NFIB: variants seen among roughly 807,000 people sequenced by gnomAD.
The protein encoded by NFIB is nuclear factor 1 B-type.
In NFIB, 11 loss-of-function variants were observed where a neutral mutation model predicts 61.5. That is an observed-to-expected ratio of 0.18 (90% CI 0.11 to 0.30). The LOEUF (loss-of-function observed/expected upper bound fraction) is 0.30. Among genes scored for constraint, NFIB ranks in the 10% least tolerant of loss-of-function variants. The pLI is 1.00. For missense variants in NFIB, 471 were observed against 608.9 expected (o/e 0.77, Z 2.38); for synonymous variants, 260 against 216.5 (o/e 1.20, Z -1.76).
chr9:14,408,298 T>A, the NFIB span, among the ~76,000 whole-genome samples: 1 of 152,210 alleles, frequency 6.6e-6, no homozygotes, highest in Admixed American at 6.5e-5. Context: ...AATCTGTATA[T>A]CTTTATTTTC....
At chr9:14,394,738 G>C (rs938098097) in intron 1 of NFIB, among the ~76,000 whole-genome samples, 8 of 152,094 alleles carry the variant, frequency 5.3e-5, no homozygotes, top group Admixed American at 5.2e-4. Context: ...TAGAGGACTT[G>C]GAAGACTGGG....
upstream of NFIB, among the ~76,000 whole-genome samples, chr9:14,400,639 T>A (rs2061733804): frequency 6.6e-6 from 1 of 152,126 alleles, no homozygotes; most frequent in Admixed American, 6.5e-5. Flanking sequence ...AACTATTGAA[T>A]AATGCAAATA....
chr9:14,099,978 G>A (rs1164798005), intron 10 of NFIB, among the ~76,000 whole-genome samples: 4 of 152,036 alleles, frequency 2.6e-5, no homozygotes, highest in African/African-American at 7.2e-5. Context: ...TAGCTGAGGC[G>A]TTAAGAATCA....
chr9:14,305,146 T>A (rs1363921504), intron 2 of NFIB, among the ~76,000 whole-genome samples: 1 of 152,210 alleles, frequency 6.6e-6, no homozygotes, highest in African/African-American at 2.4e-5. Flanking sequence ...TTTTTTTTCT[T>A]TTTTCAATCT....
the NFIB span, among the ~76,000 whole-genome samples, chr9:14,437,337 C>T: frequency 8.5e-5 from 13 of 152,316 alleles, no homozygotes; most frequent in South Asian, 1.5e-3. Context: ...GTCCCTTTGT[C>T]GGTTTCCAAA....
At chr9:14,139,841 A>G (rs1422767761) in intron 6 of NFIB, among the ~76,000 whole-genome samples, 3 of 152,278 alleles carry the variant, frequency 2.0e-5, no homozygotes, top group East Asian at 1.9e-4. Flanking sequence ...TGATTTTTCA[A>G]TTACAGCAGT....
chr9:14,151,845 C>A (rs905601670), intron 4 of NFIB, among the ~76,000 whole-genome samples: 1 of 152,028 alleles, frequency 6.6e-6, no homozygotes, highest in African/African-American at 2.4e-5. Flanking sequence ...ATTCTAGAGC[C>A]CCTGAGATGC....
At chr9:14,351,348 C>G (rs887937686) in intron 1 of NFIB, among the ~76,000 whole-genome samples, 1 of 152,172 alleles carries the variant, frequency 6.6e-6, no homozygotes, top group African/African-American at 2.4e-5. Context: ...GGCCTGGTCT[C>G]AACAGCGCCA....
At chr9:14,456,969 T>C in the NFIB span, among the ~76,000 whole-genome samples, 1 of 152,192 alleles carries the variant, frequency 6.6e-6, no homozygotes. Context: ...AAATAAATTA[T>C]AGTACAGGTC....
the NFIB span, among the ~76,000 whole-genome samples, chr9:14,457,293 A>G: frequency 6.6e-6 from 1 of 152,164 alleles, no homozygotes; most frequent in African/African-American, 2.4e-5. Flanking sequence ...AACCACTTTA[A>G]TATATTACCT....
At chr9:14,270,579 C>CAAAAAAAA (rs147823074) in intron 2 of NFIB, among the ~76,000 whole-genome samples, 3 of 54,406 alleles carry the variant, frequency 5.5e-5, no homozygotes, top group Admixed American at 2.9e-4. Context: ...CCTTAGATCA[C>CAAAAAAAA]AAAAAAAAAA....
chr9:14,457,112 T>A, the NFIB span, among the ~76,000 whole-genome samples: 153 of 152,250 alleles, frequency 1.0e-3, no homozygotes, highest in Middle Eastern at 3.4e-3. Context: ...CTGCCATTGA[T>A]CTTAAAAAGG....
intron 10 of NFIB, among the ~76,000 whole-genome samples, chr9:14,097,875 C>CTTTTTTCTTTTTTT (rs1554630192): frequency 6.3e-5 from 7 of 110,828 alleles, no homozygotes; most frequent in African/African-American, 2.4e-4. Flanking sequence ...TTTCTTTTTT[C>CTTTTTTCTTTTTTT]TTTTTTTTTT....
At chr9:14,225,867 T>C (rs2052342846) in intron 2 of NFIB, among the ~76,000 whole-genome samples, 1 of 152,202 alleles carries the variant, frequency 6.6e-6, no homozygotes, top group African/African-American at 2.4e-5. Context: ...ACTGTATATA[T>C]AACATTTTGT....
chr9:14,190,984 G>A (rs1327219060), intron 2 of NFIB, among the ~76,000 whole-genome samples: 3 of 152,156 alleles, frequency 2.0e-5, no homozygotes, highest in Non-Finnish European at 4.4e-5. Context: ...CCTGAGGTCA[G>A]GAGTTCAAGA....
chr9:14,381,073 CAAAA>C (rs34848529), intron 1 of NFIB, among the ~76,000 whole-genome samples: 1 of 82,556 alleles, frequency 1.2e-5, no homozygotes, highest in Non-Finnish European at 2.4e-5. Context: ...GACTCCGTCT[CAAAA>C]AAAAAAAAAA....
intron 2 of NFIB, among the ~76,000 whole-genome samples, chr9:14,282,138 A>T (rs1174547259): frequency 6.6e-6 from 1 of 152,194 alleles, no homozygotes; most frequent in Non-Finnish European, 1.5e-5. Flanking sequence ...GATTTAAGTT[A>T]CATTATTTGG....
chr9:14,445,933 T>G, the NFIB span, among the ~76,000 whole-genome samples: 1 of 152,196 alleles, frequency 6.6e-6, no homozygotes, highest in Non-Finnish European at 1.5e-5. Flanking sequence ...TTAGAGAGTT[T>G]TCTGGTAACA....
chr9:14,375,118 T>G (rs866294094), intron 1 of NFIB, among the ~76,000 whole-genome samples: 1 of 152,136 alleles, frequency 6.6e-6, no homozygotes, highest in South Asian at 2.1e-4. Context: ...TTCAATGTCT[T>G]AAACATCCAA....
Sources: gnomAD v4.1 joint callset for allele counts (sites outside exome capture counted in the v4.1 genomes callset) on GRCh38, gnomAD v4.1.1 for gene constraint, MANE v1.5 for transcripts, NCBI Gene and HGNC (gene_info 2026-07-23, HGNC 2026-07-21) for gene names.